Variants in FAM91A1 observed in about 807,000 individuals in gnomAD.
FAM91A1 encodes protein FAM91A1.
A neutral mutation model predicts 113.5 loss-of-function variants in FAM91A1; 41 were observed. That is an observed-to-expected ratio of 0.36 (90% CI 0.28 to 0.47). The LOEUF is 0.47. FAM91A1 is among the 20% of genes least tolerant of loss of function. FAM91A1 has a pLI of 1.00. For missense variants in FAM91A1, 696 were observed against 1,001.2 expected (o/e 0.70, Z 4.11); for synonymous variants, 307 against 347.9 (o/e 0.88, Z 1.31).
chr8:123,778,688 T>A lies in FAM91A1; in HGVS notation c.465T>A (p.Asp155Glu). 6.2e-7 allele frequency: 1 copy of A among 1,610,576 alleles called. No homozygotes were observed. Among genetic ancestry groups the A allele is most frequent in the Non-Finnish European group, 8.5e-7 (1 of 1,179,052 alleles). The change falls in exon 6 of 24, where the codon GAT becomes GAA. Residue 155 changes from aspartate to glutamate, a missense_variant. Coordinates refer to ENST00000334705, the MANE Select transcript of FAM91A1 (RefSeq NM_144963.4). ...TCTTCAGAAGGAAAACAGCCCGTGA[T>A]CTTCTACCAATAAAGCCAGTGGAAA... ...KKFFRRKTAR[D>E]LLPIKPVEIA...
rs1379960726 is a variant in FAM91A1 at position 123,814,144 on chromosome 8, T to A, written c.*1440T>A. The A allele has an allele frequency of 5.1e-6, 2 of 393,568 alleles. No individual in the cohort carries two copies. The highest frequency in any genetic ancestry group is 4.8e-6 in the Non-Finnish European group (1 of 206,798). The allele number at this position is 393,568 out of a possible 1,614,324, so 24.4% of individuals were successfully genotyped here. ...TTGAGGTAAATGCAGTAACGGTTAG[T>A]TTTCTACTTTGTCTTATAGAAGGTA... On this transcript the variant is annotated 3_prime_UTR_variant, in exon 24 of 24. Transcript: ENST00000334705.
In FAM91A1 at chr8:123,772,426, T is replaced by C. The variant is rs560086037; in HGVS notation, c.73-1654T>C. On this transcript the variant is annotated intron_variant, in intron 1 of 23. Transcript: ENST00000334705. The stretch of plus-strand genomic sequence containing the variant: ...TGTGCTATTTTGAATCCTCTAAATA[T>C]TGTCAGTACAACGACCCTGGCATTG... Among the ~76,000 whole-genome samples the C allele has an allele frequency of 1.6e-4, 24 of 152,302 alleles. No individual in the cohort carries two copies. The South Asian group carries it at 5.0e-3, about 32-fold the overall frequency.
chr8:123,786,978 G>A (rs1278385543), intron 12 of FAM91A1, among the ~76,000 whole-genome samples: 1 of 152,150 alleles, frequency 6.6e-6, no homozygotes, highest in East Asian at 1.9e-4. Context: ...AGAAGAGCCT[G>A]CCAGCTGGTC....
chr8:123,793,887 C>T (rs186814792), intron 15 of FAM91A1, among the ~76,000 whole-genome samples: 15 of 152,314 alleles, frequency 9.8e-5, no homozygotes, highest in African/African-American at 3.4e-4. Context: ...CGTTAAATAT[C>T]TCTTTTTAGA....
intron 1 of FAM91A1, among the ~76,000 whole-genome samples, chr8:123,771,095 T>G (rs1814826273): frequency 6.6e-6 from 1 of 152,234 alleles, no homozygotes; most frequent in South Asian, 2.1e-4. Context: ...AATAGCATAT[T>G]TTGATTCTCA....
chr8:123,804,346 C>T (rs1815753294), intron 18 of FAM91A1, among the ~76,000 whole-genome samples: 1 of 151,628 alleles, frequency 6.6e-6, no homozygotes, highest in African/African-American at 2.4e-5. Flanking sequence ...AAATAGTTAG[C>T]CGGGTGTGGT....
intron 15 of FAM91A1, among the ~76,000 whole-genome samples, chr8:123,794,680 AT>A (rs1815465394): frequency 6.6e-6 from 1 of 152,244 alleles, no homozygotes; most frequent in Non-Finnish European, 1.5e-5. Context: ...GTGATCACTC[AT>A]GGTTCTCTCA....
Position 123,785,013 on chromosome 8 carries a change from C to A in FAM91A1, c.811-68C>A. ...TTTTGCTGATTATGATTATATTGGT[C>A]TATTACAACTGTGTAATGTGCTGTT... On this transcript the variant is annotated intron_variant, in intron 9 of 23. Coordinates refer to ENST00000334705, the MANE Select transcript of FAM91A1 (RefSeq NM_144963.4). The A allele has an allele frequency of 2.6e-6, 3 of 1,157,388 alleles. No individual in the cohort carries two copies. The South Asian group carries it at 4.8e-5, about 18-fold the overall frequency. 71.7% of individuals were successfully genotyped at this position (1,157,388 alleles called of 1,614,324 possible). A position where few individuals can be genotyped will look rare whatever the true frequency, so the allele number is the denominator to read the frequency against.
intron 23 of FAM91A1, 146 bp from the exon 24 acceptor site, chr8:123,812,373 T>C (rs1169656545): frequency 9.0e-6 from 5 of 558,112 alleles, no homozygotes; most frequent in Non-Finnish European, 1.5e-5. Flanking sequence ...TGCTTTGGGC[T>C]CACAGTGTAG....
rs1312542831 is a variant in FAM91A1, at chr8:123,814,848, CA to C, written c.*2149del. 1 of 152,596 alleles carries C rather than the reference CA, an allele frequency of 6.6e-6. No homozygotes were observed. Among genetic ancestry groups the C allele is most frequent in the Non-Finnish European group, 1.5e-5 (1 of 68,020 alleles). The allele number at this position is 152,596 out of a possible 1,614,324, so 9.5% of individuals were successfully genotyped here. A position where few individuals can be genotyped will look rare whatever the true frequency, so the allele number is the denominator to read the frequency against. ...TCTTACAAGCATTGATCCATTTCAACAAAAAGGTAAATTTAAAATGCAGACT... is the reference window on the plus strand; with the variant it reads ...TCTTACAAGCATTGATCCATTTCAACAAAAGGTAAATTTAAAATGCAGACT... On this transcript the variant is annotated 3_prime_UTR_variant, in exon 24 of 24. Transcript: ENST00000334705.
At chr8:123,812,000 T>G (rs1343539726) in intron 23 of FAM91A1, 1 of 152,230 alleles carries the variant, frequency 6.6e-6, no homozygotes, top group Non-Finnish European at 1.5e-5. Flanking sequence ...GCCTCTTGAG[T>G]AACTGGTATC....
chr8:123,781,254 A>T (rs1815112853), intron 8 of FAM91A1, among the ~76,000 whole-genome samples: 1 of 152,090 alleles, frequency 6.6e-6, no homozygotes, highest in African/African-American at 2.4e-5. Flanking sequence ...TATTATACTT[A>T]GATATTGAAT....
chr8:123,778,529 A>C, intron 5 of FAM91A1, 130 bp from the exon 6 acceptor site: 1 of 626,722 alleles, frequency 1.6e-6, no homozygotes, highest in East Asian at 3.1e-5. Flanking sequence ...AGAATTGTTA[A>C]GATTTTAAAA....
intron 3 of FAM91A1, among the ~76,000 whole-genome samples, chr8:123,776,490 G>A (rs1395407544): frequency 6.6e-6 from 1 of 152,206 alleles, no homozygotes; most frequent in Non-Finnish European, 1.5e-5. Context: ...AAAGCGAGAG[G>A]CCCGATAGCC....
At chr8:123,805,984 AAGT>A (rs1815792955) in intron 19 of FAM91A1, 93 bp from the exon 20 acceptor site, 2 of 1,202,850 alleles carry the variant, frequency 1.7e-6, no homozygotes, top group Non-Finnish European at 1.1e-6. Context: ...TAAAGTATAA[AAGT>A]AGTTCTAAGA....
chr8:123,784,981 C>A, intron 9 of FAM91A1, 100 bp from the exon 10 acceptor site: 1 of 805,812 alleles, frequency 1.2e-6, no homozygotes, highest in Non-Finnish European at 1.9e-6. Flanking sequence ...TTATTCATAA[C>A]TTAAAATTTT....
chr8:123,803,030 G>T (rs1230165413), intron 18 of FAM91A1, among the ~76,000 whole-genome samples: 1 of 152,184 alleles, frequency 6.6e-6, no homozygotes, highest in East Asian at 1.9e-4. Context: ...AAGGGTGGCT[G>T]GGTGCAGTGG....
rs774006726 is a variant in FAM91A1, at chr8:123,814,234, G to A, written c.*1530G>A. On this transcript the variant is annotated 3_prime_UTR_variant, in exon 24 of 24. Coordinates refer to ENST00000334705, the MANE Select transcript of FAM91A1 (RefSeq NM_144963.4). The stretch of plus-strand genomic sequence containing the variant: ...ATACTAATATTAAATAATTTCTTAC[G>A]ACTCTGAGTCACTCACTTATTTTTC... 15 of 362,136 alleles carry A rather than the reference G, an allele frequency of 4.1e-5. No individual in the cohort carries two copies. Among genetic ancestry groups the A allele is most frequent in the African/African-American group, 1.1e-4 (5 of 44,242 alleles). The allele number at this position is 362,136 out of a possible 1,614,324, so 22.4% of individuals were successfully genotyped here.
Position 123,786,494 on chromosome 8 carries a change from GGA to G in FAM91A1, c.964_965del (p.Ser322TyrfsTer17). On this transcript the variant is annotated frameshift_variant and splice_region_variant, in exon 12 of 24. Transcript: ENST00000334705. LOFTEE classifies it high-confidence loss of function. ...AAAGCAAATGCATTCTTCATTAATA[GGA>G]GTACCTTAGATCCACAGAAGATGCT... The G allele has an allele frequency of 6.2e-7, 1 of 1,602,336 alleles. No individual in the cohort carries two copies. The highest frequency in any genetic ancestry group is 8.5e-7 in the Non-Finnish European group (1 of 1,170,174).
Sources: gnomAD v4.1 joint callset for allele counts (sites outside exome capture counted in the v4.1 genomes callset) on GRCh38, gnomAD v4.1.1 for gene constraint, MANE v1.5 for transcripts, NCBI Gene and HGNC (gene_info 2026-07-23, HGNC 2026-07-21) for gene names.